DAPK1: variants seen among roughly 807,000 people sequenced by gnomAD.
DAPK1 encodes death-associated protein kinase 1.
DAPK1 carries 56 observed loss-of-function variants against 144.9 expected under a neutral mutation model. The ratio of observed to expected loss-of-function variants is 0.39; its 90% confidence interval spans 0.31 to 0.48. DAPK1 has a LOEUF of 0.48. Among genes scored for constraint, DAPK1 ranks in the 20% least tolerant of loss-of-function variants. DAPK1 has a pLI of 0.95. For missense variants in DAPK1, 1,454 were observed against 1,875.4 expected (o/e 0.78, Z 4.15); for synonymous variants, 690 against 749.0 (o/e 0.92, Z 1.29).
At chr9:87,632,215 G>A in intron 3 of DAPK1, 1 of 966,772 alleles carries the variant, frequency 1.0e-6, no homozygotes, top group African/African-American at 1.8e-5. Flanking sequence ...GAGTATATAT[G>A]TAGGGATAAA....
At chr9:87,613,386 A>G (rs1416547912) in intron 3 of DAPK1, among the ~76,000 whole-genome samples, 1 of 152,172 alleles carries the variant, frequency 6.6e-6, no homozygotes, top group Non-Finnish European at 1.5e-5. Flanking sequence ...TACTTTGGCT[A>G]AGTTAATAAT....
intron 2 of DAPK1, 45 bp downstream of exon 2, chr9:87,499,184 C>T (rs1435499559): frequency 2.0e-6 from 3 of 1,514,918 alleles, no homozygotes; most frequent in African/African-American, 1.4e-5. Context: ...TGTGGAAATG[C>T]ATAACGATGG....
Position 87,498,965 on chromosome 9 carries a change from A to C in DAPK1, c.-108-5A>C. The C allele has an allele frequency of 1.3e-6, 1 of 760,124 alleles. No homozygotes were observed. The highest frequency in any genetic ancestry group is 2.2e-6 in the Non-Finnish European group (1 of 447,048). 47.1% of individuals were successfully genotyped at this position (760,124 alleles called of 1,614,324 possible). ...TTATTATTGCCTTTTTTTTTTCTTC[A>C]AAAGGACTGGAGACTGATGCATGAG... is the stretch of plus-strand genomic sequence containing the variant. On this transcript the variant is annotated splice_polypyrimidine_tract_variant and splice_region_variant and intron_variant, in intron 1 of 25. Transcript: ENST00000408954.
chr9:87,663,099 T>A (rs1830922595), intron 18 of DAPK1, among the ~76,000 whole-genome samples: 1 of 151,880 alleles, frequency 6.6e-6, no homozygotes. Flanking sequence ...CTCCGCTGAG[T>A]CCTCAGCCAG....
At chr9:87,515,007 G>A (rs1824992141) in intron 2 of DAPK1, among the ~76,000 whole-genome samples, 1 of 152,166 alleles carries the variant, frequency 6.6e-6, no homozygotes, top group Non-Finnish European at 1.5e-5. Context: ...AAACTTGGGG[G>A]AGTCCAAAGA....
chr9:87,531,750 G>A (rs535284335), intron 2 of DAPK1, among the ~76,000 whole-genome samples: 7 of 152,282 alleles, frequency 4.6e-5, no homozygotes, highest in African/African-American at 1.4e-4. Flanking sequence ...CAATTATTGT[G>A]TCTTATTGTT....
At chr9:87,583,312 A>C (rs1286502522) in intron 2 of DAPK1, among the ~76,000 whole-genome samples, 1 of 152,124 alleles carries the variant, frequency 6.6e-6, no homozygotes, top group East Asian at 1.9e-4. Flanking sequence ...CAATGAATGT[A>C]AGTAGCAGTC....
intron 2 of DAPK1, among the ~76,000 whole-genome samples, chr9:87,527,131 G>T: frequency 6.6e-6 from 1 of 152,216 alleles, no homozygotes; most frequent in East Asian, 1.9e-4. Context: ...TAAGAGCAAA[G>T]CCTGGTGTAG....
intron 2 of DAPK1, among the ~76,000 whole-genome samples, chr9:87,517,729 G>T (rs975215823): frequency 6.6e-6 from 1 of 152,172 alleles, no homozygotes; most frequent in African/African-American, 2.4e-5. Context: ...CCCCATAAAA[G>T]TGCAAAGTGG....
chr9:87,559,593 A>G (rs1302262685), intron 2 of DAPK1, among the ~76,000 whole-genome samples: 1 of 152,204 alleles, frequency 6.6e-6, no homozygotes, highest in Non-Finnish European at 1.5e-5. Flanking sequence ...TCTCAAAAGC[A>G]GGATGTAGGA....
rs115949541 is a variant in DAPK1 at position 87,597,896 on chromosome 9, G to C, written c.63-7058G>C. ...TTCTTCCACTCCTGACTCACGCTCA[G>C]CCTTCAGGGCACAGCCTAGGAGGCC... On this transcript the variant is annotated intron_variant, in intron 2 of 25. Transcript: ENST00000408954. 4.7e-3 allele frequency among the ~76,000 whole-genome samples: 708 copies of C among 152,252 alleles called. 8 individuals are homozygous for C. Among genetic ancestry groups the C allele is most frequent in the African/African-American group, 0.015 (642 of 41,552 alleles).
rs1190282031 is a variant in DAPK1 at position 87,652,232 on chromosome 9, C to T, written c.1824+508C>T. Among the ~76,000 whole-genome samples the T allele has an allele frequency of 7.4e-5, 9 of 122,118 alleles. No homozygotes were observed. The East Asian group carries it at 1.8e-3, about 24-fold the overall frequency. 80.1% of individuals were successfully genotyped at this position (122,118 alleles called of 152,430 possible). On this transcript the variant is annotated intron_variant, in intron 17 of 25. Coordinates refer to ENST00000408954, the MANE Select transcript of DAPK1 (RefSeq NM_004938.4). The stretch of plus-strand genomic sequence containing the variant: ...TCCCGGGTCCTGATTCTGTGTCCTC[C>T]CACCTGATCCCAGGTCCTGATTCTG...
intron 2 of DAPK1, among the ~76,000 whole-genome samples, chr9:87,595,869 T>A (rs1828297706): frequency 6.6e-6 from 1 of 152,222 alleles, no homozygotes; most frequent in Non-Finnish European, 1.5e-5. Context: ...GTTGGTGCCG[T>A]GGCAACCTGA....
At chr9:87,648,920 A>G (rs1160498367) in intron 15 of DAPK1, 41 bp downstream of exon 15, 4 of 1,523,954 alleles carry the variant, frequency 2.6e-6, no homozygotes, top group East Asian at 2.3e-5. Flanking sequence ...TGCTCTATAC[A>G]TGAATGTACA....
chr9:87,657,554 C>A (rs532691724), intron 17 of DAPK1: 1 of 166,704 alleles, frequency 6.0e-6, no homozygotes, highest in African/African-American at 2.4e-5. Context: ...TTCCTGGGCA[C>A]CCCTATGAAT....
chr9:87,696,448 CAG>C (rs1460463085), intron 21 of DAPK1, among the ~76,000 whole-genome samples: 3 of 152,128 alleles, frequency 2.0e-5, no homozygotes, highest in Non-Finnish European at 4.4e-5. Flanking sequence ...GTTGCTATAA[CAG>C]AATACTTGAG....
At chr9:87,539,886 C>T (rs1375823778) in intron 2 of DAPK1, among the ~76,000 whole-genome samples, 4 of 152,012 alleles carry the variant, frequency 2.6e-5, no homozygotes, top group Non-Finnish European at 5.9e-5. Flanking sequence ...CAATAATTGT[C>T]GTAGTCTAGT....
At chr9:87,678,621 C>T (rs1398959633) in intron 19 of DAPK1, among the ~76,000 whole-genome samples, 1 of 152,200 alleles carries the variant, frequency 6.6e-6, no homozygotes, top group Non-Finnish European at 1.5e-5. Flanking sequence ...ATACTGCCCC[C>T]AAAACCCTGT....
intron 17 of DAPK1, among the ~76,000 whole-genome samples, chr9:87,656,354 G>A (rs1830629193): frequency 6.6e-6 from 1 of 152,060 alleles, no homozygotes; most frequent in African/African-American, 2.4e-5. Flanking sequence ...CCCAACCTGG[G>A]CCCTTCAACA....
Sources: allele counts gnomAD v4.1 joint callset (sites outside exome capture counted in the v4.1 genomes callset), GRCh38; gene constraint gnomAD v4.1.1; transcripts MANE v1.5; gene names NCBI Gene and HGNC (gene_info 2026-07-23, HGNC 2026-07-21).